Variants in PRDM16 observed in about 807,000 individuals in gnomAD.
The protein encoded by PRDM16 is PR/SET domain 16.
PRDM16 carries 23 observed loss-of-function variants against 110.6 expected under a neutral mutation model. That is an observed-to-expected ratio of 0.21 (90% confidence interval 0.15 to 0.29). The LOEUF (loss-of-function observed/expected upper bound fraction) is 0.29. Ranked by LOEUF, PRDM16 falls within the 10% of genes least tolerant of loss-of-function variation. The probability of loss-of-function intolerance (pLI) is 1.00; values close to 1 mark genes in which losing one functional copy is unlikely to be tolerated. For missense variants in PRDM16, 1,615 were observed against 1,794.3 expected (o/e 0.90, Z 1.81); for synonymous variants, 799 against 781.8 (o/e 1.02, Z -0.37).
At chr1:3,260,387 T>C (rs569002687) in intron 3 of PRDM16, among the ~76,000 whole-genome samples, 1 of 152,316 alleles carries the variant, frequency 6.6e-6, no homozygotes, top group South Asian at 2.1e-4. Flanking sequence ...GAAAAGAAAT[T>C]CCTGGAAGGC....
chr1:3,340,260 C>T (rs1017757046), intron 3 of PRDM16, among the ~76,000 whole-genome samples: 8 of 152,158 alleles, frequency 5.3e-5, no homozygotes, highest in Admixed American at 2.6e-4. Flanking sequence ...GCAGACCCCA[C>T]GAGCCCACCC....
At chr1:3,105,451 C>T (rs1206360961) in intron 1 of PRDM16, among the ~76,000 whole-genome samples, 1 of 152,226 alleles carries the variant, frequency 6.6e-6, no homozygotes, top group Admixed American at 6.5e-5. Context: ...TCTTCCGGAG[C>T]GCAGCCTTGC....
At chr1:3,114,197 A>ACGCACGCGCG (rs1460065708) in intron 1 of PRDM16, among the ~76,000 whole-genome samples, 2 of 129,594 alleles carry the variant, frequency 1.5e-5, no homozygotes, top group African/African-American at 3.3e-5. Flanking sequence ...ACACACGCAC[A>ACGCACGCGCG]CGCACGCACA....
chr1:3,123,675 C>T (rs1643144134), intron 1 of PRDM16, among the ~76,000 whole-genome samples: 1 of 152,250 alleles, frequency 6.6e-6, no homozygotes, highest in Admixed American at 6.5e-5. Flanking sequence ...TGGCGTGAAG[C>T]TGGACTCAGG....
chr1:3,097,293 G>T (rs890781503), intron 1 of PRDM16, among the ~76,000 whole-genome samples: 2 of 152,218 alleles, frequency 1.3e-5, no homozygotes, highest in Non-Finnish European at 2.9e-5. Flanking sequence ...ATTCCTCTGA[G>T]TACAGAAAGG....
rs1181206904 is a variant in PRDM16 at position 3,412,434 on chromosome 1, C to A, written c.2237C>A (p.Ala746Asp). ...TACCCCTTCACGGACCGAGCCCTCGCCCACAACTTGCTGGTCAAGGCCGAG... is the reference window on the plus strand; with the variant it reads ...TACCCCTTCACGGACCGAGCCCTCGACCACAACTTGCTGGTCAAGGCCGAG... ...SLYPFTDRAL[A>D]HNLLVKAEPK... is the part of the protein sequence containing the mutation. Residue 746 changes from alanine (A) to aspartate (D), a missense_variant, in exon 9 of 17, where the codon GCC becomes GAC. Physicochemically the swap from Ala to Asp is moderately radical, Grantham distance 126 (BLOSUM62 -2). Coordinates refer to ENST00000270722, the MANE Select transcript of PRDM16 (RefSeq NM_022114.4). 1 of 1,612,612 alleles carries A rather than the reference C, an allele frequency of 6.2e-7. No homozygotes were observed. The highest frequency in any genetic ancestry group is 1.3e-5 in the African/African-American group (1 of 75,056).
intron 1 of PRDM16, among the ~76,000 whole-genome samples, chr1:3,113,365 G>T (rs1206826310): frequency 6.6e-6 from 1 of 152,142 alleles, no homozygotes. Flanking sequence ...CTCCTTCACT[G>T]CAGGTCCCAG....
At chr1:3,332,814 G>C (rs974551503) in intron 3 of PRDM16, among the ~76,000 whole-genome samples, 4 of 151,466 alleles carry the variant, frequency 2.6e-5, no homozygotes, top group Middle Eastern at 6.3e-3. Context: ...GGCAACTGCT[G>C]ACCCATCCCT....
At position 3,385,012 on chromosome 1, in the gene PRDM16, C is replaced by G. The variant is rs113915415; in HGVS notation, c.439-140C>G. 2.8e-3 allele frequency: 2,924 copies of G among 1,029,412 alleles called. 58 individuals carry two copies. The African/African-American group carries it at 0.04, about 14-fold the overall frequency. 63.8% of individuals were successfully genotyped at this position (1,029,412 alleles called of 1,614,324 possible). On this transcript the variant is annotated intron_variant, in intron 3 of 16. Coordinates refer to ENST00000270722, the MANE Select transcript of PRDM16 (RefSeq NM_022114.4). ...GTGGGCTGGGAGCCCCGCTGATGCCCGGAGGGTGGGCTGAGGTCTGGACGC... is the reference window on the plus strand; with the variant it reads ...GTGGGCTGGGAGCCCCGCTGATGCCGGGAGGGTGGGCTGAGGTCTGGACGC...
chr1:3,275,152 T>G (rs915788452), intron 3 of PRDM16, among the ~76,000 whole-genome samples: 1 of 152,182 alleles, frequency 6.6e-6, no homozygotes, highest in Non-Finnish European at 1.5e-5. Context: ...CCAGTGGAAG[T>G]CATAAATTAC....
At chr1:3,180,857 T>C (rs1557506951) in intron 1 of PRDM16, among the ~76,000 whole-genome samples, 1 of 148,702 alleles carries the variant, frequency 6.7e-6, no homozygotes, top group South Asian at 2.1e-4. Context: ...CACGCAGTCT[T>C]ACGCACGGCC....
intron 1 of PRDM16, among the ~76,000 whole-genome samples, chr1:3,078,543 G>A (rs375942401): frequency 2.6e-5 from 4 of 152,236 alleles, no homozygotes; most frequent in Non-Finnish European, 4.4e-5. Context: ...TTTCACATTC[G>A]AAAGGCCCAG....
At chr1:3,254,672 G>A (rs1289487205) in intron 3 of PRDM16, among the ~76,000 whole-genome samples, 2 of 152,130 alleles carry the variant, frequency 1.3e-5, no homozygotes, top group African/African-American at 2.4e-5. Flanking sequence ...CAAAGAAATG[G>A]AAGAACATTC....
chr1:3,145,735 G>A (rs1643635819), intron 1 of PRDM16, among the ~76,000 whole-genome samples: 1 of 152,214 alleles, frequency 6.6e-6, no homozygotes, highest in Non-Finnish European at 1.5e-5. Context: ...CTCTGGCTGG[G>A]CTATCAGCTA....
At chr1:3,262,823 G>A (rs183942870) in intron 3 of PRDM16, among the ~76,000 whole-genome samples, 386 of 150,680 alleles carry the variant, frequency 2.6e-3, no homozygotes, top group African/African-American at 8.6e-3. Flanking sequence ...TGGGAGGTGC[G>A]GGGTGCAGTA....
intron 8 of PRDM16, among the ~76,000 whole-genome samples, chr1:3,409,826 T>TGTGG (rs1643644074): frequency 7.3e-6 from 1 of 136,842 alleles, no homozygotes; most frequent in Admixed American, 7.4e-5. Flanking sequence ...TGTGTGTGGT[T>TGTGG]GTGTGTGGGT....
chr1:3,277,179 G>T (rs563954617), intron 3 of PRDM16, among the ~76,000 whole-genome samples: 128 of 152,324 alleles, frequency 8.4e-4, no homozygotes, highest in African/African-American at 3.0e-3. Context: ...CTTCGGGAGA[G>T]GCTGGGCCTG....
intron 1 of PRDM16, among the ~76,000 whole-genome samples, chr1:3,151,382 C>T (rs969568374): frequency 3.9e-5 from 6 of 152,220 alleles, no homozygotes; most frequent in Non-Finnish European, 7.3e-5. Context: ...GAATAGACTC[C>T]GCTGCAAGGC....
intron 3 of PRDM16, among the ~76,000 whole-genome samples, chr1:3,295,304 G>A (rs1218853725): frequency 6.6e-6 from 1 of 152,184 alleles, no homozygotes; most frequent in East Asian, 1.9e-4. Flanking sequence ...CTTTAAATGA[G>A]GGTGCAGCTC....
Sources: allele counts gnomAD v4.1 joint callset (sites outside exome capture counted in the v4.1 genomes callset), GRCh38; gene constraint gnomAD v4.1.1; transcripts MANE v1.5; gene names NCBI Gene and HGNC (gene_info 2026-07-23, HGNC 2026-07-21).